The following NELL1 variants were observed in gnomAD, a reference collection of about 807,000 sequenced individuals.
NELL1 encodes the protein protein kinase C-binding protein NELL1.
A neutral mutation model predicts 107.4 loss-of-function variants in NELL1; 76 were observed. The observed-to-expected ratio is 0.71, with a 90% CI of 0.59 to 0.86. The LOEUF (loss-of-function observed/expected upper bound fraction) is 0.86. Among genes scored for constraint, NELL1 ranks in the 40% least tolerant of loss-of-function variants. NELL1 has a pLI of 0.00. For synonymous variants in NELL1, 353 were observed against 341.2 expected, an observed-to-expected ratio of 1.03 and a Z score of -0.38; for missense variants, 1,024 against 1,005.5, an observed-to-expected ratio of 1.02 and a Z score of -0.25.
At chr11:21,050,218 A>T (rs1191292708) in intron 12 of NELL1, among the ~76,000 whole-genome samples, 1 of 152,104 alleles carries the variant, frequency 6.6e-6, no homozygotes, top group East Asian at 1.9e-4. Flanking sequence ...TAGCATTGTG[A>T]TATTAGAGGT....
chr11:21,570,812 A>G lies in NELL1; in HGVS notation c.2029A>G (p.Ser677Gly). 1 of 1,611,756 alleles carries G rather than the reference A, an allele frequency of 6.2e-7. No individual in the cohort carries two copies. The highest frequency in any genetic ancestry group is 2.2e-5 in the East Asian group (1 of 44,700). Reference sequence around the variant, plus strand: ...GACAGCTTGTGATTGCCAGAATCCAAGTGCTGACCTATTCTGTTGCCCAGA... The same window carrying G: ...GACAGCTTGTGATTGCCAGAATCCAGGTGCTGACCTATTCTGTTGCCCAGA... ...RRTACDCQNP[S>G]ADLFCCPECD... Residue 677 changes from serine (S) to glycine (G), a missense_variant, in exon 18 of 20, where the codon AGT becomes GGT. Coordinates refer to ENST00000357134, the MANE Select transcript of NELL1 (RefSeq NM_006157.5).
intron 15 of NELL1, among the ~76,000 whole-genome samples, chr11:21,429,106 A>C (rs1852906104): frequency 6.6e-6 from 1 of 152,188 alleles, no homozygotes; most frequent in South Asian, 2.1e-4. Flanking sequence ...AGCATTTTTA[A>C]GGCACTAATG....
At chr11:20,997,121 AT>A (rs1852108898) in intron 12 of NELL1, among the ~76,000 whole-genome samples, 1 of 152,234 alleles carries the variant, frequency 6.6e-6, no homozygotes, top group Non-Finnish European at 1.5e-5. Flanking sequence ...ATCAAAGTGT[AT>A]TTCACAAAAT....
intron 9 of NELL1, among the ~76,000 whole-genome samples, chr11:20,937,199 G>A (rs539563777): frequency 1.4e-4 from 21 of 152,264 alleles, no homozygotes; most frequent in African/African-American, 3.6e-4. Context: ...GTTCACCCCC[G>A]CTGCCCTTCC....
chr11:21,116,301 G>A (rs143157958), intron 13 of NELL1, among the ~76,000 whole-genome samples: 10 of 151,912 alleles, frequency 6.6e-5, no homozygotes, highest in Non-Finnish European at 1.5e-4. Flanking sequence ...TTCTTGTGCT[G>A]CTGACTTCTG....
At chr11:20,775,874 C>T (rs1306124000) in intron 2 of NELL1, among the ~76,000 whole-genome samples, 1 of 152,154 alleles carries the variant, frequency 6.6e-6, no homozygotes, top group Non-Finnish European at 1.5e-5. Context: ...GTTTAGTCCC[C>T]TAATGGAGGA....
At chr11:21,255,929 T>C (rs930524073) in intron 14 of NELL1, among the ~76,000 whole-genome samples, 1 of 152,076 alleles carries the variant, frequency 6.6e-6, no homozygotes, top group Non-Finnish European at 1.5e-5. Flanking sequence ...TGTTTCTTTT[T>C]AAATTCCTTT....
chr11:21,393,968 A>C (rs1399220677), intron 15 of NELL1, among the ~76,000 whole-genome samples: 1 of 151,602 alleles, frequency 6.6e-6, no homozygotes, highest in Non-Finnish European at 1.5e-5. Context: ...AGTAGTTAGA[A>C]TTCTACCAAG....
At chr11:21,354,745 C>T (rs78059220) in intron 14 of NELL1, among the ~76,000 whole-genome samples, 10,074 of 152,242 alleles carry the variant, frequency 0.066, 468 homozygotes, top group African/African-American at 0.12. Context: ...GCTACTATCA[C>T]TGCAGGTTGG....
chr11:20,711,362 T>C lies in NELL1; in HGVS notation c.184+33302T>C, dbSNP rs539608903. Among the ~76,000 whole-genome samples the C allele has an allele frequency of 2.0e-5, 3 of 152,282 alleles. No homozygotes were observed. In the South Asian group the frequency reaches 6.2e-4, roughly 32 times the overall value. ...CATTCTGTATTTTTTAAGTCAAGCA[T>C]TTAGGCCATTCAATTCAATGTTAGT... On this transcript the variant is annotated intron_variant, in intron 2 of 19. Transcript: ENST00000357134.
intron 14 of NELL1, among the ~76,000 whole-genome samples, chr11:21,238,673 A>C (rs1383000568): frequency 6.6e-6 from 1 of 152,108 alleles, no homozygotes; most frequent in Non-Finnish European, 1.5e-5. Flanking sequence ...AGAATTATAA[A>C]GAAAAATATG....
intron 13 of NELL1, among the ~76,000 whole-genome samples, chr11:21,224,393 A>ATT (rs36044630): frequency 0.054 from 7,724 of 144,132 alleles, 598 homozygotes; most frequent in African/African-American, 0.17. Context: ...CCATACCCAG[A>ATT]TTTTTTTTTT....
intron 14 of NELL1, among the ~76,000 whole-genome samples, chr11:21,275,211 A>T (rs1313014781): frequency 6.6e-6 from 1 of 152,168 alleles, no homozygotes; most frequent in Admixed American, 6.5e-5. Context: ...AAAATGATAA[A>T]GGGGATATCA....
chr11:20,830,999 A>T (rs1857997291), intron 3 of NELL1, among the ~76,000 whole-genome samples: 1 of 152,118 alleles, frequency 6.6e-6, no homozygotes, highest in South Asian at 2.1e-4. Context: ...CTTTTTAGGG[A>T]ACTTGACTTT....
intron 12 of NELL1, among the ~76,000 whole-genome samples, chr11:21,110,121 A>G (rs1373091446): frequency 6.6e-6 from 1 of 152,174 alleles, no homozygotes; most frequent in African/African-American, 2.4e-5. Flanking sequence ...ATGATGAAGA[A>G]TAAGCAATGA....
At chr11:20,965,570 C>T (rs947769824) in intron 12 of NELL1, among the ~76,000 whole-genome samples, 1 of 152,130 alleles carries the variant, frequency 6.6e-6, no homozygotes, top group Admixed American at 6.5e-5. Flanking sequence ...TAGGTGAACT[C>T]ATTCCTTCCT....
intron 13 of NELL1, among the ~76,000 whole-genome samples, chr11:21,187,560 A>C (rs926863723): frequency 6.6e-6 from 1 of 151,750 alleles, no homozygotes; most frequent in Non-Finnish European, 1.5e-5. Flanking sequence ...TTGCCTATTT[A>C]TTTTTAAATT....
intron 15 of NELL1, among the ~76,000 whole-genome samples, chr11:21,443,599 T>A (rs1286433450): frequency 6.6e-6 from 1 of 151,922 alleles, no homozygotes; most frequent in Non-Finnish European, 1.5e-5. Context: ...TCCTTTAAAA[T>A]GGAAGTAGGT....
At chr11:21,237,196 G>A (rs1858230395) in intron 14 of NELL1, among the ~76,000 whole-genome samples, 1 of 152,034 alleles carries the variant, frequency 6.6e-6, no homozygotes, top group African/African-American at 2.4e-5. Context: ...CATTCAAATT[G>A]GGCAACTACC....
Sources: gnomAD v4.1 joint callset for allele counts (sites outside exome capture counted in the v4.1 genomes callset) on GRCh38, gnomAD v4.1.1 for gene constraint, MANE v1.5 for transcripts, NCBI Gene and HGNC (gene_info 2026-07-23, HGNC 2026-07-21) for gene names.